CAMKMT: variants seen among roughly 807,000 people sequenced by gnomAD.
The protein encoded by CAMKMT is CaM KMT.
A neutral mutation model predicts 48.0 loss-of-function variants in CAMKMT; 53 were observed. That is an observed-to-expected ratio of 1.10 (90% CI 0.89 to 1.39). The LOEUF (loss-of-function observed/expected upper bound fraction) is 1.39. CAMKMT is among the 40% of genes most tolerant of loss of function. The probability of loss-of-function intolerance (pLI) is 0.00; values close to 1 mark genes in which losing one functional copy is unlikely to be tolerated. For missense variants in CAMKMT, 428 were observed against 402.7 expected (o/e 1.06, Z -0.54); for synonymous variants, 165 against 152.3 (o/e 1.08, Z -0.61).
chr2:44,402,970 C>CT (rs1264208281), intron 3 of CAMKMT, among the ~76,000 whole-genome samples: 2 of 139,076 alleles, frequency 1.4e-5, no homozygotes, highest in Non-Finnish European at 3.1e-5. Context: ...CTTTAAATCG[C>CT]TTTTTCTGTT....
At chr2:44,613,239 C>T (rs574225296) in intron 3 of CAMKMT, among the ~76,000 whole-genome samples, 3 of 152,156 alleles carry the variant, frequency 2.0e-5, no homozygotes, top group African/African-American at 7.2e-5. Context: ...AGCTGGTATA[C>T]AGCAGAACAA....
chr2:44,745,976 C>A (rs1449397548), intron 8 of CAMKMT, among the ~76,000 whole-genome samples: 7 of 152,144 alleles, frequency 4.6e-5, no homozygotes, highest in African/African-American at 1.4e-4. Context: ...GCAGGCAAAC[C>A]GTGCTACATA....
chr2:44,656,377 C>G (rs536025198), intron 3 of CAMKMT, among the ~76,000 whole-genome samples: 19 of 150,908 alleles, frequency 1.3e-4, no homozygotes, highest in Non-Finnish European at 3.0e-5. Context: ...AAAAAATGAA[C>G]AAAAATAATG....
intron 3 of CAMKMT, among the ~76,000 whole-genome samples, chr2:44,534,266 A>G (rs931485411): frequency 6.6e-6 from 1 of 152,188 alleles, no homozygotes; most frequent in Non-Finnish European, 1.5e-5. Context: ...TTCCTATACA[A>G]TAATAGTTGG....
At chr2:44,457,377 T>C (rs1194034641) in intron 3 of CAMKMT, 1 of 151,906 alleles carries the variant, frequency 6.6e-6, no homozygotes, top group Non-Finnish European at 1.5e-5. Context: ...AAGTCATATT[T>C]CTTTCTTTTT....
chr2:44,634,317 G>C (rs1024704413), intron 3 of CAMKMT, among the ~76,000 whole-genome samples: 2 of 151,694 alleles, frequency 1.3e-5, no homozygotes, highest in Non-Finnish European at 2.9e-5. Context: ...CTTTCTGCTT[G>C]TAGTGATCTT....
chr2:44,497,871 GTCT>G (rs1669831471), intron 3 of CAMKMT, among the ~76,000 whole-genome samples: 1 of 152,120 alleles, frequency 6.6e-6, no homozygotes, highest in Non-Finnish European at 1.5e-5. Flanking sequence ...GCAGGGTGAA[GTCT>G]TCTTACCAGA....
intron 3 of CAMKMT, among the ~76,000 whole-genome samples, chr2:44,523,818 C>T (rs917051584): frequency 7.1e-6 from 1 of 140,164 alleles, no homozygotes; most frequent in Non-Finnish European, 1.5e-5. Context: ...CGCCCTGTCA[C>T]CCAGGCTGGA....
intron 3 of CAMKMT, among the ~76,000 whole-genome samples, chr2:44,408,193 T>G (rs2104466783): frequency 6.6e-6 from 1 of 152,054 alleles, no homozygotes; most frequent in South Asian, 2.1e-4. Flanking sequence ...GTCCAGCTAA[T>G]TTTTGTATTT....
intron 7 of CAMKMT, among the ~76,000 whole-genome samples, chr2:44,732,978 G>C: frequency 6.6e-6 from 1 of 152,134 alleles, no homozygotes; most frequent in Non-Finnish European, 1.5e-5. Context: ...ACTCTTGTGT[G>C]TGTCTAAGAA....
intron 3 of CAMKMT, among the ~76,000 whole-genome samples, chr2:44,452,338 A>G (rs999506932): frequency 6.6e-6 from 1 of 152,028 alleles, no homozygotes; most frequent in African/African-American, 2.4e-5. Context: ...AGCGCCAGTT[A>G]TCTCATACTT....
rs1242133083 is a variant in CAMKMT, at chr2:44,421,017, A to T, written c.376+30712A>T. Reference sequence around the variant, plus strand: ...TCTCAGCTTTGCTTATATCTGCTATATATTTCCTTTGAATATTTGTTAGGG... The same window carrying T: ...TCTCAGCTTTGCTTATATCTGCTATTTATTTCCTTTGAATATTTGTTAGGG... On this transcript the variant is annotated intron_variant, in intron 3 of 10. Coordinates refer to ENST00000378494, the MANE Select transcript of CAMKMT (RefSeq NM_024766.5). Among the ~76,000 whole-genome samples, 5 of 152,270 alleles carry T rather than the reference A, an allele frequency of 3.3e-5. No homozygotes were observed. In the East Asian group the frequency reaches 9.6e-4, roughly 29 times the overall value.
intron 10 of CAMKMT, among the ~76,000 whole-genome samples, chr2:44,771,497 TCTC>T (rs150002570): frequency 0.091 from 13,836 of 152,210 alleles, 726 homozygotes; most frequent in Non-Finnish European, 0.12. Flanking sequence ...TGGAGTATGT[TCTC>T]CTCCTCAGAG....
intron 3 of CAMKMT, among the ~76,000 whole-genome samples, chr2:44,493,193 C>T (rs1669597084): frequency 6.6e-6 from 1 of 152,000 alleles, no homozygotes; most frequent in Non-Finnish European, 1.5e-5. Flanking sequence ...CTGCACCTGG[C>T]CTTAATATTT....
intron 3 of CAMKMT, among the ~76,000 whole-genome samples, chr2:44,439,997 C>G (rs1666546450): frequency 1.3e-5 from 2 of 152,124 alleles, no homozygotes; most frequent in Admixed American, 1.3e-4. Context: ...AGGCTCAAGC[C>G]TCTCATCTTT....
chr2:44,667,934 C>T (rs1675094918), intron 3 of CAMKMT, among the ~76,000 whole-genome samples: 1 of 152,164 alleles, frequency 6.6e-6, no homozygotes, highest in Non-Finnish European at 1.5e-5. Context: ...GGTATTTCAT[C>T]CTCGACACTC....
At chr2:44,371,275 T>C (rs1316918892) in intron 1 of CAMKMT, among the ~76,000 whole-genome samples, 1 of 152,118 alleles carries the variant, frequency 6.6e-6, no homozygotes, top group Non-Finnish European at 1.5e-5. Context: ...CGTGAGCCAC[T>C]GTGCCCAGCC....
chr2:44,369,431 A>G (rs1678941747), intron 1 of CAMKMT, among the ~76,000 whole-genome samples: 1 of 152,116 alleles, frequency 6.6e-6, no homozygotes. Context: ...CTTTTTTGAA[A>G]ATAGAAACCA....
chr2:44,745,311 G>A (rs567399247), intron 8 of CAMKMT, among the ~76,000 whole-genome samples: 47 of 152,254 alleles, frequency 3.1e-4, no homozygotes, highest in African/African-American at 1.1e-3. Context: ...TTGTGTTATG[G>A]ACACTCTCAC....
Sources: gnomAD v4.1 joint callset for allele counts (sites outside exome capture counted in the v4.1 genomes callset) on GRCh38, gnomAD v4.1.1 for gene constraint, MANE v1.5 for transcripts, NCBI Gene and HGNC (gene_info 2026-07-23, HGNC 2026-07-21) for gene names.